Variants in DCLK2 observed in about 807,000 individuals in gnomAD.
DCLK2 encodes the protein doublecortin like kinase 2.
In DCLK2, 31 loss-of-function variants were observed where a neutral mutation model predicts 78.4. The observed-to-expected ratio is 0.40, with a 90% CI of 0.30 to 0.53. The LOEUF is 0.53. DCLK2 is among the 20% of genes least tolerant of loss of function. The pLI is 0.61. For synonymous variants in DCLK2, 407 were observed against 374.9 expected (o/e 1.09, Z -0.99); for missense variants, 872 against 973.7 (o/e 0.90, Z 1.39).
chr4:150,194,022 GACACACACACACAC>G lies in DCLK2; in HGVS notation c.859+819_859+832del, dbSNP rs58179559. Reference sequence around the variant, plus strand: ...CCACCTCAGCCTCCCAAAGTGCTGGGACACACACACACACACACACACACACACACACACACACA... The same window carrying G: ...CCACCTCAGCCTCCCAAAGTGCTGGGACACACACACACACACACACACACA... On this transcript the variant is annotated intron_variant, in intron 3 of 15. Transcript: ENST00000296550. Among the ~76,000 whole-genome samples the G allele has an allele frequency of 2.4e-3, 323 of 133,872 alleles. 1 individual carries two copies. The highest frequency in any genetic ancestry group is 3.0e-3 in the Non-Finnish European group (188 of 63,628). The allele number at this position is 133,872 out of a possible 152,430, so 87.8% of individuals were successfully genotyped here. A position where few individuals can be genotyped will look rare whatever the true frequency, so the allele number is the denominator to read the frequency against.
At position 150,198,067 on chromosome 4, in the gene DCLK2, C is replaced by T. The variant is rs1304509191; in HGVS notation, c.925C>T (p.Pro309Ser). The T allele has an allele frequency of 6.2e-7, 1 of 1,613,814 alleles. No homozygotes were observed. Among genetic ancestry groups the T allele is most frequent in the South Asian group, 1.1e-5 (1 of 90,988 alleles). Residue 309 changes from proline (P) to serine (S), a missense_variant, in exon 4 of 16, where the codon CCT (proline) becomes TCT (serine). This residue lies in a region of DCLK2 where 567 missense variants were observed against 593.4 expected (regional missense o/e 0.96). Transcript: ENST00000296550. The stretch of plus-strand genomic sequence containing the variant: ...TGTTAAGTATTCTGGATCCAAAAGC[C>T]CTGGGCCCTCTCGACGCAGCAAATC... ...SAVKYSGSKS[P>S]GPSRRSKSPA...
chr4:150,232,888 A>G lies in DCLK2; in HGVS notation c.1566+60A>G, dbSNP rs1036147982. 10 of 1,569,106 alleles carry G rather than the reference A, an allele frequency of 6.4e-6. No individual in the cohort carries two copies. In the African/African-American group the frequency reaches 9.5e-5, roughly 15 times the overall value. Reference sequence around the variant, plus strand: ...GCCTCTCTTCCTTTAAAAGGAGCACATGCAAATAATGGCATTTTATAGTCT... The same window carrying G: ...GCCTCTCTTCCTTTAAAAGGAGCACGTGCAAATAATGGCATTTTATAGTCT... On this transcript the variant is annotated intron_variant, in intron 10 of 15. Coordinates refer to ENST00000296550, the MANE Select transcript of DCLK2 (RefSeq NM_001040260.4).
At chr4:150,176,276 CCAT>C (rs1737082291) in intron 2 of DCLK2, among the ~76,000 whole-genome samples, 1 of 152,180 alleles carries the variant, frequency 6.6e-6, no homozygotes, top group African/African-American at 2.4e-5. Context: ...ATCCACTCAC[CCAT>C]CACTAAATAT....
In DCLK2 at chr4:150,234,767, A is replaced by AG. The variant is rs1433186922; in HGVS notation, c.1566+1944dup. 4.2e-3 allele frequency among the ~76,000 whole-genome samples: 622 copies of AG among 146,840 alleles called. 3 individuals carry two copies. The highest frequency in any genetic ancestry group is 0.01 in the Middle Eastern group (3 of 290). The stretch of plus-strand genomic sequence containing the variant: ...TGCTCTGTGTTAAAAAAAAAAAAAA[A>AG]GGGGGATTGTGGACGTGGTTTTATG... On this transcript the variant is annotated intron_variant, in intron 10 of 15. Transcript: ENST00000296550.
intron 2 of DCLK2, among the ~76,000 whole-genome samples, chr4:150,190,581 G>A (rs888039042): frequency 1.3e-5 from 2 of 152,164 alleles, no homozygotes; most frequent in African/African-American, 4.8e-5. Context: ...TATACATGAA[G>A]TGTCCAGAAC....
chr4:150,106,514 A>T (rs1332915120), intron 2 of DCLK2, among the ~76,000 whole-genome samples: 1 of 151,884 alleles, frequency 6.6e-6, no homozygotes, highest in African/African-American at 2.4e-5. Context: ...CTGTGTACAA[A>T]ATTGTAAACT....
intron 2 of DCLK2, among the ~76,000 whole-genome samples, chr4:150,178,971 C>T (rs1012609975): frequency 1.3e-5 from 2 of 152,080 alleles, no homozygotes; most frequent in Admixed American, 6.5e-5. Context: ...TTTTGATACA[C>T]GATGCCAAGG....
chr4:150,218,741 T>C (rs1313678508), intron 5 of DCLK2, among the ~76,000 whole-genome samples: 1 of 152,198 alleles, frequency 6.6e-6, no homozygotes, highest in Non-Finnish European at 1.5e-5. Context: ...GGCTGTGAGA[T>C]TTAAGACATG....
At chr4:150,232,021 A>G (rs540008174) in intron 8 of DCLK2, among the ~76,000 whole-genome samples, 1 of 152,334 alleles carries the variant, frequency 6.6e-6, no homozygotes, top group South Asian at 2.1e-4. Flanking sequence ...TGAAGCTTTC[A>G]TAGCATCACA....
intron 10 of DCLK2, among the ~76,000 whole-genome samples, chr4:150,233,406 A>T (rs1314693344): frequency 1.3e-5 from 2 of 152,214 alleles, no homozygotes; most frequent in Non-Finnish European, 2.9e-5. Flanking sequence ...ATACAAGAAA[A>T]TACATTTTCA....
intron 14 of DCLK2, among the ~76,000 whole-genome samples, chr4:150,248,676 G>T (rs891330256): frequency 2.9e-4 from 44 of 152,154 alleles, no homozygotes. Flanking sequence ...CCTTCAGGAG[G>T]CTTTTAGCTC....
intron 10 of DCLK2, among the ~76,000 whole-genome samples, chr4:150,233,595 C>G (rs943779461): frequency 6.6e-6 from 1 of 152,158 alleles, no homozygotes; most frequent in African/African-American, 2.4e-5. Context: ...CCATTCATCT[C>G]AGCTTTACTA....
At chr4:150,243,069 G>C (rs995814440) in intron 12 of DCLK2, among the ~76,000 whole-genome samples, 3 of 152,164 alleles carry the variant, frequency 2.0e-5, no homozygotes, top group Non-Finnish European at 4.4e-5. Context: ...ACTCCCTCTA[G>C]TGTTTGCAGT....
chr4:150,165,422 A>G (rs908056591), intron 2 of DCLK2, among the ~76,000 whole-genome samples: 4 of 152,112 alleles, frequency 2.6e-5, no homozygotes, highest in Admixed American at 6.5e-5. Context: ...GTCTTCCCAC[A>G]TGAAGTTGGT....
chr4:150,228,058 C>T (rs915672033), intron 8 of DCLK2, among the ~76,000 whole-genome samples: 12 of 152,096 alleles, frequency 7.9e-5, no homozygotes, highest in Admixed American at 2.0e-4. Context: ...TGATCATATC[C>T]CACCAGTCTC....
chr4:150,250,633 G>A (rs1400450388), intron 15 of DCLK2, among the ~76,000 whole-genome samples: 1 of 151,708 alleles, frequency 6.6e-6, no homozygotes, highest in Non-Finnish European at 1.5e-5. Flanking sequence ...GGCCCCCCGT[G>A]ACCCCACTGA....
chr4:150,190,283 A>G (rs1324408108), intron 2 of DCLK2, among the ~76,000 whole-genome samples: 1 of 141,586 alleles, frequency 7.1e-6, no homozygotes, highest in African/African-American at 3.1e-5. Context: ...AGATAGATAG[A>G]TAGATAGATA....
Position 150,175,119 on chromosome 4 carries a change from T to TATATATTTATATA in DCLK2, c.757-18019_757-18018insATATATTTATATA, listed in dbSNP as rs1553964266. On this transcript the variant is annotated intron_variant, in intron 2 of 15. Coordinates refer to ENST00000296550, the MANE Select transcript of DCLK2 (RefSeq NM_001040260.4). ...TTATATATATTTATATATTTATATTTTTTATATATATATAATTTATGTATA... is the reference window on the plus strand; with the variant it reads ...TTATATATATTTATATATTTATATTTATATATTTATATATTTATATATATATAATTTATGTATA... Among the ~76,000 whole-genome samples, 255 of 98,752 alleles carry TATATATTTATATA rather than the reference T, an allele frequency of 2.6e-3. 54 individuals carry two copies. Among genetic ancestry groups the TATATATTTATATA allele is most frequent in the African/African-American group, 0.013 (240 of 18,732 alleles). The allele number at this position is 98,752 out of a possible 152,430, so 64.8% of individuals were successfully genotyped here.
intron 1 of DCLK2, among the ~76,000 whole-genome samples, chr4:150,099,699 T>C (rs1049468268): frequency 6.6e-6 from 1 of 152,164 alleles, no homozygotes; most frequent in African/African-American, 2.4e-5. Flanking sequence ...AGCTTGTGCA[T>C]AGTAGGCACT....
Sources: gnomAD v4.1 joint callset for allele counts (sites outside exome capture counted in the v4.1 genomes callset) on GRCh38, gnomAD v4.1.1 for gene constraint, gnomAD v4.1.1 regional missense constraint, MANE v1.5 for transcripts, NCBI Gene and HGNC (gene_info 2026-07-23, HGNC 2026-07-21) for gene names.